The following TAF5L variants were observed in gnomAD, a reference collection of about 807,000 sequenced individuals.
TAF5L encodes TATA-box binding protein associated factor 5 like, also known as TAF5-like RNA polymerase II p300/CBP-associated factor-associated factor 65 kDa subunit 5L.
In TAF5L, 7 loss-of-function variants were observed where a neutral mutation model predicts 51.3. The ratio of observed to expected loss-of-function variants is 0.14; its 90% CI spans 0.08 to 0.26. TAF5L has a LOEUF of 0.26. Among genes scored for constraint, TAF5L ranks in the 10% least tolerant of loss-of-function variants. The pLI, the probability that TAF5L is intolerant of heterozygous loss-of-function variation, is 1.00. For missense variants in TAF5L, 575 were observed against 758.9 expected (o/e 0.76, Z 2.85); for synonymous variants, 291 against 308.1 (o/e 0.94, Z 0.58).
At chr1:229,597,636 C>T (rs959639408) in intron 4 of TAF5L, among the ~76,000 whole-genome samples, 8 of 152,134 alleles carry the variant, frequency 5.3e-5, no homozygotes, top group African/African-American at 1.9e-4. Context: ...AATACCATAC[C>T]CTACGATTCA....
At position 229,606,598 on chromosome 1, in the gene TAF5L, A is replaced by C. The variant is rs565279284; in HGVS notation, c.247+3508T>G. On this transcript the variant is annotated intron_variant, in intron 3 of 4. Transcript: ENST00000258281. ...AGCACTCCTCTGTCCTTTATTCTGA[A>C]AGCCCACACTACTTGGTCCTGTCGT... The C allele has an allele frequency of 2.0e-5, 20 of 985,366 alleles. 1 individual carries two copies. In the South Asian group the frequency reaches 8.5e-4, roughly 42 times the overall value. 61.0% of individuals were successfully genotyped at this position (985,366 alleles called of 1,614,324 possible).
At chr1:229,609,660 T>C (rs1276390036) in intron 3 of TAF5L, among the ~76,000 whole-genome samples, 2 of 152,232 alleles carry the variant, frequency 1.3e-5, no homozygotes, top group African/African-American at 2.4e-5. Context: ...GCAAAGACCA[T>C]TGTGAAATGT....
At chr1:229,607,565 C>T (rs1002101822) in intron 3 of TAF5L, 2 of 825,838 alleles carry the variant, frequency 2.4e-6, no homozygotes, top group Non-Finnish European at 2.9e-6. Flanking sequence ...TTAAAGCCTA[C>T]CTCCTGCTCA....
intron 1 of TAF5L, among the ~76,000 whole-genome samples, chr1:229,617,087 G>GT (rs1328597833): frequency 1.3e-5 from 2 of 152,146 alleles, no homozygotes; most frequent in Non-Finnish European, 2.9e-5. Context: ...TAATTAAGCT[G>GT]TTTTTTTAAA....
intron 2 of TAF5L, 84 bp from the exon 3 acceptor site, chr1:229,610,294 G>A (rs1664741443): frequency 7.7e-7 from 1 of 1,305,580 alleles, no homozygotes. Flanking sequence ...GGTGAAGGAG[G>A]GTGTTGTGCA....
At chr1:229,620,778 C>T (rs1010249499) in intron 1 of TAF5L, among the ~76,000 whole-genome samples, 1 of 152,050 alleles carries the variant, frequency 6.6e-6, no homozygotes, top group African/African-American at 2.4e-5. Flanking sequence ...ACTTACTATG[C>T]TTGACTACAT....
At position 229,602,447 on chromosome 1, in the gene TAF5L, C is replaced by T. The variant is rs1434501001; in HGVS notation, c.720G>A (p.Glu240=). The T allele has an allele frequency of 1.9e-6, 3 of 1,614,122 alleles. No homozygotes were observed. Among genetic ancestry groups the T allele is most frequent in the Admixed American group, 1.7e-5 (1 of 60,018 alleles). Residue 240 remains glutamate, a synonymous_variant, in exon 4 of 5, where the codon GAG becomes GAA. Transcript: ENST00000258281. The surrounding 1 kb of genome is among the most constrained non-coding windows in gnomAD (Gnocchi z 4.6). ...CTCGCTTAATGCTCTCCTGTAAGAC[C>T]TCTAGGGCAGCCTCGTTCTGCAGAA... is the stretch of plus-strand genomic sequence containing the variant.
At chr1:229,622,741 G>T (rs949412547) in intron 1 of TAF5L, among the ~76,000 whole-genome samples, 3 of 151,714 alleles carry the variant, frequency 2.0e-5, no homozygotes, top group African/African-American at 7.3e-5. Context: ...CAGCAGCTGG[G>T]GCTACAGGCA....
intron 1 of TAF5L, among the ~76,000 whole-genome samples, chr1:229,618,206 G>A (rs947141154): frequency 1.3e-5 from 2 of 152,114 alleles, no homozygotes; most frequent in African/African-American, 2.4e-5. Context: ...GTGCAGTTTC[G>A]TTACCTGCCT....
chr1:229,594,303 T>A lies in TAF5L; in HGVS notation c.1764A>T (p.Glu588Asp). 6.2e-7 allele frequency: 1 copy of A among 1,604,628 alleles called. No individual in the cohort carries two copies. Among genetic ancestry groups the A allele is most frequent in the East Asian group, 2.2e-5 (1 of 44,622 alleles). The change falls in exon 5 of 5, where the codon GAA becomes GAT. Residue 588 changes from glutamate (E) to aspartate (D), a missense_variant. Glu to Asp is a conservative substitution (Grantham distance 45). Coordinates refer to ENST00000258281, the Ensembl canonical transcript of TAF5L. The surrounding 1 kb of genome is among the most constrained non-coding windows in gnomAD (Gnocchi z 7.9). Reference sequence around the variant, plus strand: ...TTCCAACAAAGTTAAAAAATTAATGTTCCTGATTTTCTTGTGTAATTCCAG... The same window carrying A: ...TTCCAACAAAGTTAAAAAATTAATGATCCTGATTTTCTTGTGTAATTCCAG...
At chr1:229,605,167 C>G (rs997773328) in intron 3 of TAF5L, among the ~76,000 whole-genome samples, 1 of 151,168 alleles carries the variant, frequency 6.6e-6, no homozygotes, top group Non-Finnish European at 1.5e-5. Flanking sequence ...TCATGGTGGC[C>G]AGGTTGGTCT....
At chr1:229,616,530 A>G (rs1665010936) in intron 1 of TAF5L, among the ~76,000 whole-genome samples, 2 of 152,238 alleles carry the variant, frequency 1.3e-5, no homozygotes, top group South Asian at 4.1e-4. Context: ...ACATAAAAAA[A>G]TTATTTGTAT....
At chr1:229,599,216 G>A (rs1419577211) in intron 4 of TAF5L, 1 of 919,294 alleles carries the variant, frequency 1.1e-6, no homozygotes, top group African/African-American at 1.8e-5. Context: ...AGTTTTATTT[G>A]GCATAATTAA....
rs1558142397 is a variant in TAF5L at position 229,594,845 on chromosome 1, C to T, written c.1222G>A (p.Ala408Thr). The change falls in exon 5 of 5, where the codon GCC becomes ACC. Residue 408 changes from alanine (A) to threonine (T), a missense_variant. By Grantham distance (58) the Ala-to-Thr change is moderately conservative. Coordinates refer to ENST00000258281, the Ensembl canonical transcript of TAF5L. This position sits in a 1 kb window ranked among gnomAD's most constrained non-coding sequence, Gnocchi z 7.9. ...GTCCGATCAAATGACCACAGCCTGGCGGTGCGGTCGTGGGACCCGCTGGCG... is the reference window on the plus strand; with the variant it reads ...GTCCGATCAAATGACCACAGCCTGGTGGTGCGGTCGTGGGACCCGCTGGCG... 1.2e-6 allele frequency: 2 copies of T among 1,614,168 alleles called. No individual in the cohort carries two copies. The highest frequency in any genetic ancestry group is 8.5e-7 in the Non-Finnish European group (1 of 1,180,026).
In TAF5L at chr1:229,594,720, G is replaced by C; in HGVS notation, c.1347C>G (p.Thr449=). The change falls in exon 5 of 5, where the codon ACC becomes ACG. Residue 449 remains threonine (T), a synonymous_variant. Transcript: ENST00000258281. The surrounding 1 kb of genome is among the most constrained non-coding windows in gnomAD (Gnocchi z 7.9). The stretch of plus-strand genomic sequence containing the variant: ...CCTGCTGAGCGCTCCACAGCCGGAC[G>C]GTCTTGTCGGTTGAGCCCGTGGCCA... 1 of 1,614,182 alleles carries C rather than the reference G, an allele frequency of 6.2e-7. No homozygotes were observed.
intron 3 of TAF5L, chr1:229,607,301 T>C (rs960839381): frequency 2.0e-6 from 2 of 985,290 alleles, no homozygotes; most frequent in Admixed American, 6.2e-5. Flanking sequence ...TCTCACCTCA[T>C]TTCTCAAGAT....
chr1:229,593,972 TA>T lies in TAF5L; in HGVS notation c.*324del, dbSNP rs1026453802. 256 of 266,516 alleles carry T rather than the reference TA, an allele frequency of 9.6e-4. 2 individuals carry two copies. The Middle Eastern group carries it at 0.013, about 14-fold the overall frequency. The allele number at this position is 266,516 out of a possible 1,614,324, so 16.5% of individuals were successfully genotyped here. ...TCTACAGCCGCCCTCTAACCAAACC[TA>T]GCCCCAGTCAGATGGTGAAAATGAG... On this transcript the variant is annotated 3_prime_UTR_variant, in exon 5 of 5. Transcript: ENST00000258281.
intron 3 of TAF5L, 121 bp from the exon 4 acceptor site, chr1:229,603,040 A>G (rs994052485): frequency 7.0e-7 from 1 of 1,425,670 alleles, no homozygotes; most frequent in African/African-American, 1.4e-5. Flanking sequence ...TTTTAAGAGT[A>G]CTGATTGAAC....
Position 229,594,876 on chromosome 1 carries a change from C to T in TAF5L, c.1191G>A (p.Leu397=). ...GGTCGTGGGACCCGCTGGCGAAGTA[C>T]AGGCTATATGGACTGATGTCCAGAT... is the stretch of plus-strand genomic sequence containing the variant. The change falls in exon 5 of 5, where the codon CTG becomes CTA. Residue 397 remains leucine (L), a synonymous_variant. Transcript: ENST00000258281. The surrounding 1 kb of genome is among the most constrained non-coding windows in gnomAD (Gnocchi z 7.9). 6.2e-7 allele frequency: 1 copy of T among 1,614,208 alleles called. No individual in the cohort carries two copies. The highest frequency in any genetic ancestry group is 8.5e-7 in the Non-Finnish European group (1 of 1,180,024).
Sources: gnomAD v4.1 joint callset for allele counts (sites outside exome capture counted in the v4.1 genomes callset) on GRCh38, gnomAD v4.1.1 for gene constraint, Gnocchi (gnomAD v3.1) non-coding constraint, MANE v1.5 for transcripts, NCBI Gene and HGNC (gene_info 2026-07-23, HGNC 2026-07-21) for gene names.